Variants in ACHE observed in about 807,000 individuals in gnomAD.
ACHE encodes acetylcholinesterase.
ACHE carries 19 observed loss-of-function variants against 53.9 expected under a neutral mutation model. The observed-to-expected ratio is 0.35, with a 90% confidence interval of 0.25 to 0.52. The LOEUF is 0.52. ACHE is among the 20% of genes least tolerant of loss of function. The pLI, the probability that ACHE is intolerant of heterozygous loss-of-function variation, is 0.95. For synonymous variants in ACHE, 392 were observed against 378.1 expected, an observed-to-expected ratio of 1.04 and a Z score of -0.43; for missense variants, 605 against 849.4, an observed-to-expected ratio of 0.71 and a Z score of 3.58.
chr7:100,892,413 G>C lies in ACHE; in HGVS notation c.1474C>G (p.Pro492Ala). The C allele has an allele frequency of 6.6e-7, 1 of 1,525,188 alleles. No homozygotes were observed. Among genetic ancestry groups the C allele is most frequent in the Non-Finnish European group, 8.8e-7 (1 of 1,132,962 alleles). 94.5% of individuals were successfully genotyped at this position (1,525,188 alleles called of 1,614,324 possible). A position where few individuals can be genotyped will look rare whatever the true frequency, so the allele number is the denominator to read the frequency against. Residue 492 changes from proline (P) to alanine (A), a missense_variant, in exon 3 of 5, where the codon CCC becomes GCC. Transcript: ENST00000241069. The surrounding 1 kb of genome is among the most constrained non-coding windows in gnomAD (Gnocchi z 5.2). ...IEFIFGIPLD[P>A]SRNYTAEEKI... ...TCCTCTGCCGTGTAGTTTCGAGAGG[G>C]GTCCAGGGGGATCCCAAAGATGAAC... is the stretch of plus-strand genomic sequence containing the variant.
At chr7:100,891,767 C>T (rs1790715393) in intron 3 of ACHE, among the ~76,000 whole-genome samples, 3 of 146,890 alleles carry the variant, frequency 2.0e-5, no homozygotes, top group Non-Finnish European at 4.5e-5. Context: ...GCTCCAACTC[C>T]TTTGTCTTGG....
intron 1 of ACHE, 89 bp downstream of exon 1, chr7:100,895,713 C>G (rs1162040493): frequency 6.6e-6 from 1 of 152,642 alleles, no homozygotes; most frequent in East Asian, 1.9e-4. Flanking sequence ...CGGGAGCCGT[C>G]CCGTTAGGGG....
upstream of ACHE, chr7:100,895,917 C>T (rs10259887): frequency 6.7e-6 from 1 of 148,484 alleles, no homozygotes; most frequent in African/African-American, 2.5e-5. Context: ...CCCGCACACA[C>T]CCCCTCCGGG....
Position 100,892,065 on chromosome 7 carries a change from G to A in ACHE, c.1553+269C>T, listed in dbSNP as rs1790732204. On this transcript the variant is annotated intron_variant, in intron 3 of 4. Transcript: ENST00000241069. This position sits in a 1 kb window ranked among gnomAD's most constrained non-coding sequence, Gnocchi z 5.2. ...GGCCTCCCAAAGGGCTGGAATTACA[G>A]GGGTGAGCCACTGTGCCCCGCCCCC... 6.6e-6 allele frequency among the ~76,000 whole-genome samples: 1 copy of A among 152,006 alleles called. No homozygotes were observed. The highest frequency in any genetic ancestry group is 1.5e-5 in the Non-Finnish European group (1 of 67,984).
At position 100,892,530 on chromosome 7, in the gene ACHE, C is replaced by T. The variant is rs992009907; in HGVS notation, c.1357G>A (p.Gly453Ser). ...AAGACGTAGGCGTAGACCCGGGCAC[C>T]CTGGGCAGCCAGTCGCCCAGCCAGC... ...AQLAGRLAAQ[G>S]ARVYAYVFEH... The change falls in exon 3 of 5, where the codon GGT becomes AGT. Residue 453 changes from glycine (G) to serine (S), a missense_variant. Transcript: ENST00000241069. The surrounding 1 kb of genome is among the most constrained non-coding windows in gnomAD (Gnocchi z 5.2). 1 of 1,609,300 alleles carries T rather than the reference C, an allele frequency of 6.2e-7. No individual in the cohort carries two copies. Among genetic ancestry groups the T allele is most frequent in the Admixed American group, 1.7e-5 (1 of 59,848 alleles).
intron 1 of ACHE, 42 bp from the exon 2 acceptor site, chr7:100,894,294 G>C (rs1790905833): frequency 7.4e-7 from 1 of 1,349,660 alleles, no homozygotes; most frequent in Non-Finnish European, 9.7e-7. Context: ...GGTCGGTCGA[G>C]AAGCCAGGAG....
At chr7:100,890,787 C>T in intron 4 of ACHE, 2 of 1,356,526 alleles carry the variant, frequency 1.5e-6, no homozygotes, top group South Asian at 4.3e-5. Context: ...CGTGGGGGTC[C>T]CTGAGAAGGG....
chr7:100,893,980 G>C lies in ACHE; in HGVS notation c.253C>G (p.Gln85Glu), dbSNP rs1790863727. The C allele has an allele frequency of 1.2e-6, 2 of 1,612,096 alleles. No individual in the cohort carries two copies. The highest frequency in any genetic ancestry group is 1.3e-5 in the African/African-American group (1 of 74,894). Reference protein sequence around the residue: ...PRRFLPPEPKQPWSGVVDATT... With the variant: ...PRRFLPPEPKEPWSGVVDATT... ...GCGTCTACCACCCCTGACCAAGGCT[G>C]CTTGGGCTCCGGTGGCAGAAAGCGA... Residue 85 changes from glutamine to glutamate, a missense_variant, in exon 2 of 5, where the codon CAG (glutamine) becomes GAG (glutamate). Physicochemically the swap from Gln to Glu is conservative, Grantham distance 29. Coordinates refer to ENST00000241069, the MANE Select transcript of ACHE (RefSeq NM_000665.5).
rs1790974244 is a variant in ACHE at position 100,895,210 on chromosome 7, C to A, written c.-21+592G>T. On this transcript the variant is annotated intron_variant, in intron 1 of 4. Transcript: ENST00000241069. ...CAAAATTCCCCGGGTGGGAACTCCC[C>A]CCTCTCCCGCCGGTCACTCCTAGCC... 3.3e-5 allele frequency among the ~76,000 whole-genome samples: 5 copies of A among 152,296 alleles called. No individual in the cohort carries two copies. In the South Asian group the frequency reaches 8.3e-4, roughly 25 times the overall value.
At chr7:100,894,624 C>T (rs1245633979) in intron 1 of ACHE, among the ~76,000 whole-genome samples, 1 of 151,740 alleles carries the variant, frequency 6.6e-6, no homozygotes, top group Non-Finnish European at 1.5e-5. Flanking sequence ...AGGGCGCGGC[C>T]TCACGGACGG....
intron 4 of ACHE, 109 bp downstream of exon 4, chr7:100,891,060 G>A (rs773588825): frequency 3.3e-6 from 5 of 1,499,434 alleles, no homozygotes; most frequent in Admixed American, 4.5e-5. Flanking sequence ...CATGGGTGAA[G>A]CCTGGGCAGG....
chr7:100,890,796 G>C (rs1790630700), intron 4 of ACHE: 3 of 1,361,846 alleles, frequency 2.2e-6, no homozygotes, highest in African/African-American at 3.0e-5. Flanking sequence ...CCCTGAGAAG[G>C]GTGGGAGGCA....
At chr7:100,891,093 G>C (rs1324176522) in intron 4 of ACHE, 76 bp downstream of exon 4, 4 of 1,543,908 alleles carry the variant, frequency 2.6e-6, no homozygotes, top group South Asian at 1.2e-5. Flanking sequence ...CCGAGGCTAG[G>C]GGGAGAAGAG....
Position 100,893,926 on chromosome 7 carries a change from A to C in ACHE, c.307T>G (p.Tyr103Asp). The change falls in exon 2 of 5, where the codon TAT becomes GAT. Residue 103 changes from tyrosine to aspartate, a missense_variant. By Grantham distance (160) the Tyr-to-Asp change is radical (BLOSUM62 -3). Around this residue, in one of 4 missense-constraint regions of ACHE, gnomAD observed 397 missense variants for 632.5 expected, o/e 0.63. Coordinates refer to ENST00000241069, the MANE Select transcript of ACHE (RefSeq NM_000665.5). The part of the protein sequence containing the change: ...ATTFQSVCYQ[Y>D]VDTLYPGFEG... The stretch of plus-strand genomic sequence containing the variant: ...AAACCTGGGTATAGGGTGTCCACAT[A>C]TTGGTAGCAGACACTCTGGAAGGTT... The C allele has an allele frequency of 6.2e-7, 1 of 1,601,688 alleles. No individual in the cohort carries two copies. Among genetic ancestry groups the C allele is most frequent in the Non-Finnish European group, 8.5e-7 (1 of 1,173,106 alleles).
At chr7:100,891,025 A>G (rs894138658) in intron 4 of ACHE, 144 bp downstream of exon 4, 1 of 1,452,154 alleles carries the variant, frequency 6.9e-7, no homozygotes. Context: ...GGGCAGGGGG[A>G]GGCCGGGCCT....
rs771318638 is a variant in ACHE, at chr7:100,893,803, G to A, written c.430C>T (p.Pro144Ser). 89 of 1,613,718 alleles carry A rather than the reference G, an allele frequency of 5.5e-5. No individual in the cohort carries two copies. Among genetic ancestry groups the A allele is most frequent in the Middle Eastern group, 1.6e-4 (1 of 6,084 alleles). ...CCCCCATAGATCCAGACGAGGACAG[G>A]GGTGGGGGATGTAGGCCGGGGGTAT... ...TPYPRPTSPTPVLVWIYGGGF... is the reference protein window; with the variant it reads ...TPYPRPTSPTSVLVWIYGGGF... Residue 144 changes from proline to serine, a missense_variant, in exon 2 of 5, where the codon CCT becomes TCT. By Grantham distance (74) the Pro-to-Ser change is moderately conservative. Transcript: ENST00000241069.
chr7:100,894,800 C>T (rs531188605), intron 1 of ACHE, among the ~76,000 whole-genome samples: 71 of 151,910 alleles, frequency 4.7e-4, no homozygotes, highest in African/African-American at 1.6e-3. Context: ...CCCAACCCTG[C>T]CCCTTCTCAT....
At position 100,890,110 on chromosome 7, in the gene ACHE, G is replaced by A. The variant is rs1182733508; in HGVS notation, c.*104C>T. The stretch of plus-strand genomic sequence containing the variant: ...GGGGACGTCGGGGTGGGGTGGGGAT[G>A]GGCAGAGTCTGGGGCTCGTCTGTGT... On this transcript the variant is annotated 3_prime_UTR_variant, in exon 5 of 5. Coordinates refer to ENST00000241069, the MANE Select transcript of ACHE (RefSeq NM_000665.5). The A allele has an allele frequency of 4.2e-6, 6 of 1,435,488 alleles. No homozygotes were observed. Among genetic ancestry groups the A allele is most frequent in the Non-Finnish European group, 5.6e-6 (6 of 1,063,848 alleles). 88.9% of individuals were successfully genotyped at this position (1,435,488 alleles called of 1,614,324 possible).
chr7:100,895,390 G>C (rs375906608), intron 1 of ACHE, among the ~76,000 whole-genome samples: 1 of 150,506 alleles, frequency 6.6e-6, no homozygotes, highest in East Asian at 2.0e-4. Context: ...CTGGGCCTCG[G>C]AGGGGGCCTC....
Sources: allele counts gnomAD v4.1 joint callset (sites outside exome capture counted in the v4.1 genomes callset), GRCh38; gene constraint gnomAD v4.1.1; regional missense constraint gnomAD v4.1.1; non-coding constraint Gnocchi (gnomAD v3.1); transcripts MANE v1.5; gene names NCBI Gene and HGNC (gene_info 2026-07-23, HGNC 2026-07-21).